DRC3: variants seen among roughly 807,000 people sequenced by gnomAD.
DRC3 encodes the protein dynein regulatory complex subunit 3, also known as leucine rich repeat containing 48.
Under a neutral mutation model 57.6 loss-of-function variants are expected in DRC3, and 45 were observed. That is an observed-to-expected ratio of 0.78 (90% CI 0.62 to 1.00). The LOEUF (loss-of-function observed/expected upper bound fraction) is 1.00. DRC3 is among the 50% of genes least tolerant of loss of function. The probability of loss-of-function intolerance (pLI) is 0.00; values close to 1 mark genes in which losing one functional copy is unlikely to be tolerated. For synonymous variants in DRC3, 257 were observed against 272.3 expected, an observed-to-expected ratio of 0.94 and a Z score of 0.55; for missense variants, 655 against 675.2, an observed-to-expected ratio of 0.97 and a Z score of 0.33.
chr17:18,006,419 C>T (rs557572963), intron 11 of DRC3, 166 bp downstream of exon 11: 1 of 611,942 alleles, frequency 1.6e-6, no homozygotes, highest in East Asian at 2.8e-5. Context: ...AGAGGGACAA[C>T]ATCCAAACTG....
intron 12 of DRC3, 70 bp downstream of exon 12, chr17:18,007,217 C>T (rs2044011051): frequency 1.3e-5 from 1 of 74,178 alleles, no homozygotes; most frequent in Non-Finnish European, 1.7e-5. Flanking sequence ...GACTGAGGCT[C>T]TGTGAGTAAG....
chr17:17,988,385 C>G (rs2043061460), intron 5 of DRC3: 1 of 407,680 alleles, frequency 2.5e-6, no homozygotes, highest in Admixed American at 3.9e-5. Context: ...GAGGTACATA[C>G]CTGTTAGTGT....
intron 12 of DRC3, chr17:18,010,951 TTTG>T: frequency 4.1e-6 from 1 of 241,086 alleles, no homozygotes; most frequent in South Asian, 4.3e-5. Flanking sequence ...TTTTTTTTTG[TTTG>T]TTTGTTTGTT....
Position 17,980,634 on chromosome 17 carries a change from C to T in DRC3, c.160+2876C>T, listed in dbSNP as rs1400271467. On this transcript the variant is annotated intron_variant, in intron 3 of 13. Transcript: ENST00000399187. ...TTTTTGAGATGGAGTCTCACTCTGT[C>T]GCCAGGCTAGAGTGCAGTGGCACGA... Among the ~76,000 whole-genome samples, 6 of 132,266 alleles carry T rather than the reference C, an allele frequency of 4.5e-5. No individual in the cohort carries two copies. In the Admixed American group the frequency reaches 5.1e-4, roughly 11 times the overall value. The allele number at this position is 132,266 out of a possible 152,430, so 86.8% of individuals were successfully genotyped here.
chr17:18,015,261 G>C (rs2044314736), intron 12 of DRC3: 3 of 152,148 alleles, frequency 2.0e-5, no homozygotes, highest in Admixed American at 1.3e-4. Context: ...TGCCACTACA[G>C]GAAAGAACAA....
At chr17:18,015,165 A>G (rs2044310569) in intron 12 of DRC3, 1 of 152,234 alleles carries the variant, frequency 6.6e-6, no homozygotes, top group Non-Finnish European at 1.5e-5. Context: ...GCTTTCCCAA[A>G]TGTATTTGAC....
intron 5 of DRC3, among the ~76,000 whole-genome samples, chr17:17,988,709 C>T (rs1176600581): frequency 6.6e-6 from 1 of 152,186 alleles, no homozygotes; most frequent in Non-Finnish European, 1.5e-5. Flanking sequence ...GTCCAGTAGC[C>T]TTTGAAGATT....
intron 2 of DRC3, among the ~76,000 whole-genome samples, chr17:17,975,190 C>A (rs970452655): frequency 6.7e-6 from 1 of 150,074 alleles, no homozygotes; most frequent in African/African-American, 2.5e-5. Context: ...AATTAAGAGT[C>A]ATTTCCCAAA....
chr17:17,977,690 C>T lies in DRC3; in HGVS notation c.92C>T (p.Ala31Val), dbSNP rs1410500949. The change falls in exon 3 of 14, where the codon GCC (alanine) becomes GTC (valine). Residue 31 changes from alanine (A) to valine (V), a missense_variant. Transcript: ENST00000399187. Reference sequence around the variant, plus strand: ...GGGGACCAGGGCCCCCAGGAGGAGGCCGGGCAGCTGGCCAAGCAGGAGGGC... The same window carrying T: ...GGGGACCAGGGCCCCCAGGAGGAGGTCGGGCAGCTGGCCAAGCAGGAGGGC... ...AVGDQGPQEE[A>V]GQLAKQEGIL... The T allele has an allele frequency of 6.2e-7, 1 of 1,613,760 alleles. No individual in the cohort carries two copies. The highest frequency in any genetic ancestry group is 8.5e-7 in the Non-Finnish European group (1 of 1,179,786).
At chr17:18,002,013 C>G (rs2043754552) in intron 9 of DRC3, among the ~76,000 whole-genome samples, 1 of 151,912 alleles carries the variant, frequency 6.6e-6, no homozygotes, top group African/African-American at 2.4e-5. Context: ...ACTAAAAATG[C>G]AAAAATTCAC....
intron 7 of DRC3, among the ~76,000 whole-genome samples, 177 bp downstream of exon 7, chr17:17,994,595 GC>G (rs1471335939): frequency 6.6e-6 from 1 of 152,198 alleles, no homozygotes; most frequent in Non-Finnish European, 1.5e-5. Flanking sequence ...CCCAGGGCCA[GC>G]TCCGTCTCAG....
At chr17:17,985,176 T>G (rs2042901085) in intron 4 of DRC3, among the ~76,000 whole-genome samples, 1 of 152,224 alleles carries the variant, frequency 6.6e-6, no homozygotes, top group South Asian at 2.1e-4. Flanking sequence ...TCTTTCTGTC[T>G]GCTTACCCAG....
chr17:17,978,014 G>A (rs1345185094), intron 3 of DRC3: 3 of 366,278 alleles, frequency 8.2e-6, no homozygotes, highest in East Asian at 5.4e-5. Context: ...ATTGTCCCAC[G>A]CCAAATCTAA....
chr17:17,982,288 T>C (rs555799270), intron 3 of DRC3, among the ~76,000 whole-genome samples: 115 of 150,310 alleles, frequency 7.7e-4, no homozygotes, highest in Non-Finnish European at 1.4e-3. Flanking sequence ...CAATCTCGGC[T>C]CACTGAAAGC....
chr17:17,977,053 G>C lies in DRC3; in HGVS notation c.-17-529G>C, dbSNP rs192832842. Among the ~76,000 whole-genome samples, 15 of 152,308 alleles carry C rather than the reference G, an allele frequency of 9.8e-5. No individual in the cohort carries two copies. The East Asian group carries it at 2.7e-3, about 27-fold the overall frequency. ...CGGGGAGGACGTGAATGGGCAGCTT[G>C]GGTCAGGGGCTCCCTCTGCACCAGG... On this transcript the variant is annotated intron_variant, in intron 2 of 13. Coordinates refer to ENST00000399187, the MANE Select transcript of DRC3 (RefSeq NM_031294.4).
At chr17:17,995,408 C>T (rs2043417967) in intron 8 of DRC3, among the ~76,000 whole-genome samples, 1 of 152,204 alleles carries the variant, frequency 6.6e-6, no homozygotes, top group African/African-American at 2.4e-5. Context: ...AATGTGTTCT[C>T]ATTAGCCATA....
At chr17:17,994,086 G>A in intron 6 of DRC3, 1 of 555,366 alleles carries the variant, frequency 1.8e-6, no homozygotes, top group Non-Finnish European at 3.0e-6. Context: ...GTCTTTCCCT[G>A]ATTTCCCTGC....
chr17:17,993,328 C>A (rs1597595985), intron 6 of DRC3: 1 of 160,412 alleles, frequency 6.2e-6, no homozygotes, highest in African/African-American at 2.4e-5. Flanking sequence ...TCTACAGAAA[C>A]TACCAAAATT....
chr17:17,985,280 C>T (rs2042906750), intron 4 of DRC3, among the ~76,000 whole-genome samples: 1 of 152,254 alleles, frequency 6.6e-6, no homozygotes, highest in South Asian at 2.1e-4. Flanking sequence ...CTAGTCAGCT[C>T]ATTCCCCCAA....
Sources: allele counts gnomAD v4.1 joint callset (sites outside exome capture counted in the v4.1 genomes callset), GRCh38; gene constraint gnomAD v4.1.1; transcripts MANE v1.5; gene names NCBI Gene and HGNC (gene_info 2026-07-23, HGNC 2026-07-21).